The following VIPAS39 variants were observed in gnomAD, a reference collection of about 807,000 sequenced individuals.
VIPAS39 encodes the protein spermatogenesis-defective protein 39 homolog.
Under a neutral mutation model 84.7 loss-of-function variants are expected in VIPAS39, and 63 were observed. The ratio of observed to expected loss-of-function variants is 0.74; its 90% CI spans 0.61 to 0.92. The LOEUF is 0.92. Among genes scored for constraint, VIPAS39 ranks in the 40% least tolerant of loss-of-function variants. The pLI, the probability that VIPAS39 is intolerant of heterozygous loss-of-function variation, is 0.00. For missense variants in VIPAS39, 499 were observed against 604.5 expected, an observed-to-expected ratio of 0.83 and a Z score of 1.83; for synonymous variants, 192 against 216.5, an observed-to-expected ratio of 0.89 and a Z score of 0.99.
chr14:77,442,770 C>A, intron 9 of VIPAS39, 108 bp from the exon 10 acceptor site: 1 of 1,038,030 alleles, frequency 9.6e-7, no homozygotes, highest in Non-Finnish European at 1.5e-6. Context: ...CAAACCCTAA[C>A]AAAAGCTAAG....
At chr14:77,429,808 C>T in intron 16 of VIPAS39, 41 bp from the exon 17 acceptor site, 2 of 1,532,154 alleles carry the variant, frequency 1.3e-6, no homozygotes, top group Non-Finnish European at 1.8e-6. Flanking sequence ...AGGCCAGGCA[C>T]ACTCAACACA....
chr14:77,435,683 A>C (rs2078599527), intron 13 of VIPAS39, among the ~76,000 whole-genome samples, 161 bp downstream of exon 13: 1 of 152,216 alleles, frequency 6.6e-6, no homozygotes, highest in Admixed American at 6.5e-5. Context: ...AAGGATCCTA[A>C]AAACAATGGA....
chr14:77,428,846 C>G (rs1351560738), intron 18 of VIPAS39, among the ~76,000 whole-genome samples, 160 bp downstream of exon 18: 1 of 152,180 alleles, frequency 6.6e-6, no homozygotes, highest in Non-Finnish European at 1.5e-5. Flanking sequence ...GAAAATAATA[C>G]AGGAGTGCTG....
chr14:77,451,299 AT>A lies in VIPAS39; in HGVS notation c.230del (p.Asn77IlefsTer12). On this transcript the variant is annotated frameshift_variant, in exon 4 of 20. Transcript: ENST00000557658. LOFTEE classifies it high-confidence loss of function. ...ISWSIRETAGNSGSTHEGREQ... is the reference protein window; with the variant it reads ...ISWSIRETAGXSGSTHEGREQ... Reference sequence around the variant, plus strand: ...CACGCCCCTCGTGGGTTGAGCCGCTATTACCAGCAGTCTCTCTGATGGACCA... The same window carrying A: ...CACGCCCCTCGTGGGTTGAGCCGCTATACCAGCAGTCTCTCTGATGGACCA... 1 of 1,614,206 alleles carries A rather than the reference AT, an allele frequency of 6.2e-7. No homozygotes were observed. The highest frequency in any genetic ancestry group is 8.5e-7 in the Non-Finnish European group (1 of 1,180,034).
chr14:77,430,892 T>C (rs1244880193), intron 16 of VIPAS39, among the ~76,000 whole-genome samples: 1 of 152,016 alleles, frequency 6.6e-6, no homozygotes, highest in African/African-American at 2.4e-5. Flanking sequence ...CAAGCATATA[T>C]GGTCAGCTAA....
chr14:77,436,362 T>C (rs1259564792), intron 12 of VIPAS39, among the ~76,000 whole-genome samples: 1 of 152,198 alleles, frequency 6.6e-6, no homozygotes, highest in Non-Finnish European at 1.5e-5. Flanking sequence ...GTAAATTAAA[T>C]TACATGCCAT....
At position 77,457,585 on chromosome 14, in the gene VIPAS39, AG is replaced by A. The variant is rs1362766805; in HGVS notation, c.-92del. 5.3e-6 allele frequency: 3 copies of A among 569,996 alleles called. No homozygotes were observed. In the East Asian group the frequency reaches 8.7e-5, roughly 16 times the overall value. The allele number at this position is 569,996 out of a possible 1,614,324, so 35.3% of individuals were successfully genotyped here. On this transcript the variant is annotated 5_prime_UTR_variant, in exon 1 of 20. Transcript: ENST00000557658. ...CTATTCAGGCTGTGCAGCTTAGAGAAGGGGGCGGAAGGGAATAATCGTAGGG... is the reference window on the plus strand; with the variant it reads ...CTATTCAGGCTGTGCAGCTTAGAGAAGGGGCGGAAGGGAATAATCGTAGGG...
chr14:77,455,632 G>C (rs1009673322), intron 1 of VIPAS39, among the ~76,000 whole-genome samples: 13 of 152,188 alleles, frequency 8.5e-5, no homozygotes, highest in African/African-American at 2.9e-4. Context: ...AGTTCTAAAA[G>C]AACCATTTGC....
chr14:77,438,011 G>A lies in VIPAS39; in HGVS notation c.763-130C>T, dbSNP rs556648381. ...CTGGGTATAGATGGTTATTGGAGGCGGGTGGGGGGATAGGCAAAGAGTGAC... is the reference window on the plus strand; with the variant it reads ...CTGGGTATAGATGGTTATTGGAGGCAGGTGGGGGGATAGGCAAAGAGTGAC... On this transcript the variant is annotated intron_variant, in intron 11 of 19. Transcript: ENST00000557658. 711 of 858,616 alleles carry A rather than the reference G, an allele frequency of 8.3e-4. 4 individuals carry two copies. The African/African-American group carries it at 0.011, about 13-fold the overall frequency. The allele number at this position is 858,616 out of a possible 1,614,324, so 53.2% of individuals were successfully genotyped here.
intron 8 of VIPAS39, 56 bp from the exon 9 acceptor site, chr14:77,443,208 G>A: frequency 3.1e-6 from 5 of 1,605,090 alleles, no homozygotes; most frequent in Non-Finnish European, 4.3e-6. Flanking sequence ...GTCATGCCCT[G>A]AGCACTACAG....
At chr14:77,428,656 C>T (rs935210067) in intron 18 of VIPAS39, among the ~76,000 whole-genome samples, 182 bp from the exon 19 acceptor site, 1 of 152,110 alleles carries the variant, frequency 6.6e-6, no homozygotes, top group Non-Finnish European at 1.5e-5. Context: ...GTCATTATCA[C>T]TTTGACCCAA....
chr14:77,437,871 T>A lies in VIPAS39; in HGVS notation c.773A>T (p.Tyr258Phe). 1 of 1,614,170 alleles carries A rather than the reference T, an allele frequency of 6.2e-7. No homozygotes were observed. ...DRTEELALSH[Y>F]REHLNIQDPD... ...GTCCTGAATGTTCAAATGCTCTCGA[T>A]AATGAGATAGCTACAAAAAGCAGAA... The change falls in exon 12 of 20, where the codon TAT becomes TTT. Residue 258 changes from tyrosine to phenylalanine, a missense_variant. Transcript: ENST00000557658.
intron 8 of VIPAS39, 70 bp from the exon 9 acceptor site, chr14:77,443,222 C>G (rs190930245): frequency 1.3e-5 from 21 of 1,583,814 alleles, no homozygotes; most frequent in Admixed American, 1.7e-5. Context: ...ACTACAGACA[C>G]GGGGCCAGCA....
At chr14:77,440,088 T>C (rs1402435297) in intron 11 of VIPAS39, among the ~76,000 whole-genome samples, 1 of 152,148 alleles carries the variant, frequency 6.6e-6, no homozygotes, top group Non-Finnish European at 1.5e-5. Context: ...TCTCACTATG[T>C]TGCCCAGGCT....
At chr14:77,448,635 T>C (rs1339845180) in intron 6 of VIPAS39, 85 bp from the exon 7 acceptor site, 19 of 1,389,588 alleles carry the variant, frequency 1.4e-5, no homozygotes. Flanking sequence ...AACTCAGTCT[T>C]AGTGTCTAAG....
intron 13 of VIPAS39, 88 bp downstream of exon 13, chr14:77,435,756 C>T (rs2078600759): frequency 7.2e-7 from 1 of 1,394,816 alleles, no homozygotes; most frequent in South Asian, 1.2e-5. Context: ...AAGAAATGAC[C>T]CACGTGCAGA....
intron 4 of VIPAS39, 125 bp from the exon 5 acceptor site, chr14:77,449,877 G>C: frequency 8.7e-7 from 1 of 1,155,668 alleles, no homozygotes; most frequent in Non-Finnish European, 1.3e-6. Context: ...CTTAAAAAAG[G>C]TTTTATTCAT....
At position 77,441,204 on chromosome 14, in the gene VIPAS39, C is replaced by T. The variant is rs1287175697; in HGVS notation, c.735-111G>A. The T allele has an allele frequency of 4.2e-6, 5 of 1,178,238 alleles. No individual in the cohort carries two copies. In the African/African-American group the frequency reaches 7.6e-5, roughly 18 times the overall value. The allele number at this position is 1,178,238 out of a possible 1,614,324, so 73.0% of individuals were successfully genotyped here. On this transcript the variant is annotated intron_variant, in intron 10 of 19. Transcript: ENST00000557658. ...AGAAACACAATTCAAACTCATTTCC[C>T]TCTATACACAAGATAAATGGTTGAT...
intron 3 of VIPAS39, among the ~76,000 whole-genome samples, chr14:77,452,091 A>G (rs1304574920): frequency 6.6e-6 from 1 of 152,350 alleles, no homozygotes; most frequent in South Asian, 2.1e-4. Flanking sequence ...TGGCTAAAAA[A>G]TGATGGTAAA....
Sources: gnomAD v4.1 joint callset for allele counts (sites outside exome capture counted in the v4.1 genomes callset) on GRCh38, gnomAD v4.1.1 for gene constraint, MANE v1.5 for transcripts, NCBI Gene and HGNC (gene_info 2026-07-23, HGNC 2026-07-21) for gene names.